ITGA6: variants seen among roughly 807,000 people sequenced by gnomAD.
ITGA6 encodes integrin subunit alpha 6.
Under a neutral mutation model 133.6 loss-of-function variants are expected in ITGA6, and 63 were observed. The ratio of observed to expected loss-of-function variants is 0.47; its 90% CI spans 0.38 to 0.58. The LOEUF is 0.58. ITGA6 is among the 20% of genes least tolerant of loss of function. ITGA6 has a pLI of 0.00. For synonymous variants in ITGA6, 434 were observed against 482.0 expected (o/e 0.90, Z 1.30); for missense variants, 1,068 against 1,309.4 (o/e 0.82, Z 2.85).
chr2:172,445,264 C>G (rs1354907120), intron 1 of ITGA6, among the ~76,000 whole-genome samples: 1 of 150,256 alleles, frequency 6.7e-6, no homozygotes, highest in East Asian at 2.0e-4. Context: ...CTGTGCCCGG[C>G]TGGTATTTAT....
intron 1 of ITGA6, among the ~76,000 whole-genome samples, chr2:172,455,815 A>G (rs1162294689): frequency 3.9e-5 from 6 of 152,194 alleles, no homozygotes; most frequent in African/African-American, 1.4e-4. Flanking sequence ...TTTTTTTTAT[A>G]ACTTAAAGTA....
At chr2:172,464,947 A>G (rs1685584422) in intron 1 of ITGA6, among the ~76,000 whole-genome samples, 1 of 103,840 alleles carries the variant, frequency 9.6e-6, no homozygotes, top group African/African-American at 3.5e-5. Context: ...CTGGAGGGAA[A>G]AAAAAAAAAG....
chr2:172,476,271 T>A, intron 8 of ITGA6, 124 bp from the exon 9 acceptor site: 1 of 736,612 alleles, frequency 1.4e-6, no homozygotes, highest in Non-Finnish European at 2.5e-6. Flanking sequence ...GTATATAATA[T>A]AATTTACTTA....
At position 172,478,289 on chromosome 2, in the gene ITGA6, C is replaced by G. The variant is rs577039625; in HGVS notation, c.1389-1352C>G. On this transcript the variant is annotated intron_variant, in intron 9 of 25. Transcript: ENST00000684293. ...CCTTCACTGTGAATGGACTTGTGCT[C>G]TAGCCTACCAACAGATTGATTCCAG... 3.3e-5 allele frequency among the ~76,000 whole-genome samples: 5 copies of G among 152,334 alleles called. 1 individual carries two copies. Among genetic ancestry groups the G allele is most frequent in the African/African-American group, 1.2e-4 (5 of 41,580 alleles).
intron 1 of ITGA6, among the ~76,000 whole-genome samples, chr2:172,445,103 C>T (rs980014504): frequency 2.0e-5 from 3 of 151,270 alleles, no homozygotes; most frequent in African/African-American, 7.3e-5. Flanking sequence ...GTAGCTGGGA[C>T]TACAGGCGCC....
At chr2:172,431,865 A>T (rs550305136) in intron 1 of ITGA6, among the ~76,000 whole-genome samples, 1 of 152,348 alleles carries the variant, frequency 6.6e-6, no homozygotes, top group South Asian at 2.1e-4. Context: ...AAGTATTTAT[A>T]TGGTATAAAT....
intron 24 of ITGA6, 70 bp downstream of exon 24, chr2:172,498,170 C>G: frequency 1.4e-6 from 2 of 1,439,298 alleles, no homozygotes; most frequent in Non-Finnish European, 9.8e-7. Flanking sequence ...GGAATCAGCA[C>G]TGATAGTACG....
chr2:172,504,369 C>G lies in ITGA6; in HGVS notation c.*301C>G. On this transcript the variant is annotated 3_prime_UTR_variant, in exon 26 of 26. Coordinates refer to ENST00000684293, the MANE Select transcript of ITGA6 (RefSeq NM_000210.4). ...GAGGACTGATTTCAGAGTGACTACA[C>G]ACAGTACGAACCTACAGTTTTAACT... is the stretch of plus-strand genomic sequence containing the variant. 1 of 758,786 alleles carries G rather than the reference C, an allele frequency of 1.3e-6. No individual in the cohort carries two copies. The highest frequency in any genetic ancestry group is 2.0e-5 in the South Asian group (1 of 49,812). The allele number at this position is 758,786 out of a possible 1,614,324, so 47.0% of individuals were successfully genotyped here. A position where few individuals can be genotyped will look rare whatever the true frequency, so the allele number is the denominator to read the frequency against.
chr2:172,496,990 A>G (rs986099333), intron 23 of ITGA6, among the ~76,000 whole-genome samples: 1 of 152,206 alleles, frequency 6.6e-6, no homozygotes, highest in Non-Finnish European at 1.5e-5. Context: ...TAGTTTGTTC[A>G]TATACCTTTT....
chr2:172,501,863 T>C lies in ITGA6; in HGVS notation c.3206T>C (p.Leu1069Pro), dbSNP rs1687359641. Residue 1069 changes from leucine to proline, a missense_variant, in exon 25 of 26, where the codon CTT becomes CCT. Physicochemically the swap from Leu to Pro is moderately conservative, Grantham distance 98 (BLOSUM62 -3). Around this residue, in one of 3 missense-constraint regions of ITGA6, gnomAD observed 609 missense variants for 707.2 expected, o/e 0.86. Coordinates refer to ENST00000684293, the MANE Select transcript of ITGA6 (RefSeq NM_000210.4). ...IHAQPSDKER[L>P]TSDA Reference sequence around the variant, plus strand: ...GCTCAGCCATCTGATAAAGAGAGGCTTACTTCTGATGCATAGTATTGATCT... The same window carrying C: ...GCTCAGCCATCTGATAAAGAGAGGCCTACTTCTGATGCATAGTATTGATCT... The C allele has an allele frequency of 6.2e-7, 1 of 1,612,108 alleles. No individual in the cohort carries two copies. Among genetic ancestry groups the C allele is most frequent in the South Asian group, 1.1e-5 (1 of 91,018 alleles).
At position 172,472,955 on chromosome 2, in the gene ITGA6, TC is replaced by T. The variant is rs1030606045; in HGVS notation, c.776-1098del. On this transcript the variant is annotated intron_variant, in intron 5 of 25. Transcript: ENST00000684293. Reference sequence around the variant, plus strand: ...GTGGTCATTAAATTTTTTTTTTTGATCCATACAGAGCATAAATCTTTTTATG... The same window carrying T: ...GTGGTCATTAAATTTTTTTTTTTGATCATACAGAGCATAAATCTTTTTATG... 59 of 959,048 alleles carry T rather than the reference TC, an allele frequency of 6.2e-5. No homozygotes were observed. In the African/African-American group the frequency reaches 6.8e-4, roughly 11 times the overall value. The allele number at this position is 959,048 out of a possible 1,614,324, so 59.4% of individuals were successfully genotyped here.
intron 1 of ITGA6, among the ~76,000 whole-genome samples, chr2:172,435,031 TGTG>T: frequency 7.7e-6 from 1 of 130,440 alleles, no homozygotes. Flanking sequence ...GTTTTAAGTG[TGTG>T]TGTGTGTGTG....
intron 24 of ITGA6, among the ~76,000 whole-genome samples, chr2:172,501,357 T>C (rs545138619): frequency 1.3e-5 from 2 of 152,348 alleles, no homozygotes; most frequent in African/African-American, 4.8e-5. Context: ...ATTTGTGCTT[T>C]TATTTAGAGA....
At chr2:172,450,795 A>G (rs1303165654) in intron 1 of ITGA6, among the ~76,000 whole-genome samples, 1 of 148,194 alleles carries the variant, frequency 6.7e-6, no homozygotes, top group African/African-American at 2.5e-5. Context: ...TTTCTACTAA[A>G]TATATATATA....
At chr2:172,435,907 G>A (rs1486841015) in intron 1 of ITGA6, among the ~76,000 whole-genome samples, 1 of 152,030 alleles carries the variant, frequency 6.6e-6, no homozygotes, top group Non-Finnish European at 1.5e-5. Context: ...GAGATTACAA[G>A]CGTGAGCCAC....
intron 24 of ITGA6, among the ~76,000 whole-genome samples, chr2:172,500,458 G>A (rs754395741): frequency 6.6e-6 from 1 of 152,124 alleles, no homozygotes; most frequent in Non-Finnish European, 1.5e-5. Context: ...GTGAAACCCC[G>A]CGTCTACTAA....
chr2:172,428,497 T>A (rs770789133), intron 1 of ITGA6: 1 of 137,258 alleles, frequency 7.3e-6, no homozygotes, highest in Non-Finnish European at 1.5e-5. Flanking sequence ...TGCATGACTT[T>A]CTCAGCAAGG....
chr2:172,435,224 G>A (rs1684266970), intron 1 of ITGA6, among the ~76,000 whole-genome samples: 2 of 152,120 alleles, frequency 1.3e-5, no homozygotes, highest in African/African-American at 4.8e-5. Context: ...TTAACGAGAG[G>A]ATCCTTATCC....
intron 1 of ITGA6, among the ~76,000 whole-genome samples, chr2:172,455,986 AG>A (rs139875077): frequency 0.035 from 5,317 of 152,308 alleles, 152 homozygotes; most frequent in Middle Eastern, 0.088. Context: ...TTTCTTCACC[AG>A]GTGGGGAAGG....
Sources: allele counts gnomAD v4.1 joint callset (sites outside exome capture counted in the v4.1 genomes callset), GRCh38; gene constraint gnomAD v4.1.1; regional missense constraint gnomAD v4.1.1; transcripts MANE v1.5; gene names NCBI Gene and HGNC (gene_info 2026-07-23, HGNC 2026-07-21).